The following SORCS3 variants were observed in gnomAD, a reference collection of about 807,000 sequenced individuals.
SORCS3 encodes the protein sortilin related VPS10 domain containing receptor 3, also known as VPS10 domain-containing receptor SorCS3.
In SORCS3, 57 loss-of-function variants were observed where a neutral mutation model predicts 146.3. The observed-to-expected ratio is 0.39, with a 90% confidence interval of 0.31 to 0.49. SORCS3 has a LOEUF of 0.49. Among genes scored for constraint, SORCS3 ranks in the 20% least tolerant of loss-of-function variants. The pLI is 0.92. For synonymous variants in SORCS3, 653 were observed against 618.5 expected, an observed-to-expected ratio of 1.06 and a Z score of -0.83; for missense variants, 1,341 against 1,575.5, an observed-to-expected ratio of 0.85 and a Z score of 2.52.
At chr10:105,091,819 A>G (rs746747377) in intron 6 of SORCS3, among the ~76,000 whole-genome samples, 1 of 152,222 alleles carries the variant, frequency 6.6e-6, no homozygotes, top group Non-Finnish European at 1.5e-5. Context: ...TTCAGGGAGC[A>G]TAGAAGGACA....
intron 2 of SORCS3, among the ~76,000 whole-genome samples, chr10:104,900,957 T>C (rs1301772823): frequency 6.6e-6 from 1 of 152,092 alleles, no homozygotes; most frequent in Non-Finnish European, 1.5e-5. Flanking sequence ...TTAATTACCT[T>C]CTGAAAATAC....
chr10:104,881,098 G>A (rs1449198478), intron 2 of SORCS3, among the ~76,000 whole-genome samples: 1 of 152,146 alleles, frequency 6.6e-6, no homozygotes, highest in African/African-American at 2.4e-5. Flanking sequence ...TACATTCCCC[G>A]ATAACATCAG....
chr10:105,217,189 C>T, intron 19 of SORCS3, 67 bp downstream of exon 19: 3 of 1,539,714 alleles, frequency 1.9e-6, no homozygotes, highest in East Asian at 2.3e-5. Flanking sequence ...GTTCAGACTT[C>T]CTAAAATTCA....
At chr10:105,055,595 T>C (rs1313339638) in intron 5 of SORCS3, among the ~76,000 whole-genome samples, 1 of 152,158 alleles carries the variant, frequency 6.6e-6, no homozygotes, top group Non-Finnish European at 1.5e-5. Context: ...ATAAAATTAA[T>C]AATAAAACAG....
At chr10:104,727,145 A>G (rs2016645545) in intron 1 of SORCS3, among the ~76,000 whole-genome samples, 2 of 152,238 alleles carry the variant, frequency 1.3e-5, no homozygotes, top group Non-Finnish European at 2.9e-5. Context: ...CACCTAGCAC[A>G]GGACTTTCAT....
intron 1 of SORCS3, among the ~76,000 whole-genome samples, chr10:104,693,934 GT>G (rs1284923565): frequency 9.9e-5 from 15 of 152,094 alleles, no homozygotes; most frequent in African/African-American, 3.6e-4. Flanking sequence ...GAGTGGAAAT[GT>G]AATAGAAAAT....
intron 3 of SORCS3, among the ~76,000 whole-genome samples, chr10:104,928,205 AG>A (rs1659566406): frequency 1.3e-5 from 2 of 152,178 alleles, no homozygotes; most frequent in Admixed American, 6.5e-5. Context: ...GGGGAGCCAT[AG>A]CAGGCTTCTG....
chr10:105,079,959 T>C (rs1330684189), intron 5 of SORCS3, among the ~76,000 whole-genome samples: 5 of 152,208 alleles, frequency 3.3e-5, no homozygotes, highest in Non-Finnish European at 7.3e-5. Context: ...CAGTCTCCCA[T>C]TGATGGGCAT....
intron 3 of SORCS3, among the ~76,000 whole-genome samples, chr10:104,927,428 G>T (rs182222378): frequency 2.0e-5 from 3 of 152,298 alleles, no homozygotes; most frequent in Non-Finnish European, 4.4e-5. Flanking sequence ...GGAAAATCAA[G>T]GGTGCAACCC....
intron 13 of SORCS3, among the ~76,000 whole-genome samples, chr10:105,174,909 G>C (rs2056387495): frequency 6.6e-6 from 1 of 152,152 alleles, no homozygotes. Flanking sequence ...TCGGCTCTCT[G>C]TGTGTCTTCT....
intron 7 of SORCS3, among the ~76,000 whole-genome samples, chr10:105,119,687 G>T (rs1239167487): frequency 6.6e-6 from 1 of 152,172 alleles, no homozygotes; most frequent in African/African-American, 2.4e-5. Context: ...GAACTTTAAG[G>T]TTTAATGGCT....
intron 2 of SORCS3, among the ~76,000 whole-genome samples, chr10:104,912,946 T>C (rs1287350006): frequency 6.6e-6 from 1 of 151,858 alleles, no homozygotes; most frequent in Non-Finnish European, 1.5e-5. Flanking sequence ...ATTTGCCAAG[T>C]AGAGGAAACA....
chr10:104,801,558 G>A (rs759920371), intron 1 of SORCS3, among the ~76,000 whole-genome samples: 1 of 152,188 alleles, frequency 6.6e-6, no homozygotes, highest in African/African-American at 2.4e-5. Flanking sequence ...CACTCATGCT[G>A]CTGTGAACAT....
chr10:104,825,505 A>C (rs984933921), intron 1 of SORCS3, among the ~76,000 whole-genome samples: 1 of 152,198 alleles, frequency 6.6e-6, no homozygotes, highest in African/African-American at 2.4e-5. Context: ...CATTAGTGGC[A>C]TTGCAGCCAG....
chr10:104,659,397 TCTGA>T (rs1226547931), intron 1 of SORCS3, among the ~76,000 whole-genome samples: 1 of 152,246 alleles, frequency 6.6e-6, no homozygotes, highest in African/African-American at 2.4e-5. Flanking sequence ...TGTCCACTTC[TCTGA>T]CTTTTAGTCC....
intron 9 of SORCS3, among the ~76,000 whole-genome samples, chr10:105,148,007 A>T (rs922588652): frequency 6.6e-6 from 1 of 152,068 alleles, no homozygotes; most frequent in Non-Finnish European, 1.5e-5. Context: ...ATGAGAGATG[A>T]TGGATATACT....
chr10:105,102,991 A>G (rs1242394664), intron 6 of SORCS3, among the ~76,000 whole-genome samples: 3 of 151,860 alleles, frequency 2.0e-5, no homozygotes, highest in Non-Finnish European at 4.4e-5. Context: ...GGATTTCACC[A>G]TGTTAGCCAG....
At chr10:104,842,744 TCCCTCC>T in intron 1 of SORCS3, 42 bp from the exon 2 acceptor site, 1 of 1,463,460 alleles carries the variant, frequency 6.8e-7, no homozygotes, top group Admixed American at 1.7e-5. Context: ...CTTCCTTTTT[TCCCTCC>T]CTTTGTTCCT....
At chr10:104,892,443 C>T (rs1464807769) in intron 2 of SORCS3, among the ~76,000 whole-genome samples, 3 of 152,116 alleles carry the variant, frequency 2.0e-5, no homozygotes, top group South Asian at 2.1e-4. Flanking sequence ...AGTATCTGGC[C>T]GGGAGCAGTG....
Sources: allele counts gnomAD v4.1 joint callset (sites outside exome capture counted in the v4.1 genomes callset), GRCh38; gene constraint gnomAD v4.1.1; transcripts MANE v1.5; gene names NCBI Gene and HGNC (gene_info 2026-07-23, HGNC 2026-07-21).